Variants in CCDC192 observed in about 807,000 individuals in gnomAD.
The protein encoded by CCDC192 is coiled-coil domain containing 192.
intron 2 of CCDC192, among the ~76,000 whole-genome samples, chr5:127,709,115 GA>G (rs1561438398): frequency 2.1e-5 from 2 of 96,818 alleles, no homozygotes; most frequent in African/African-American, 4.1e-5. Context: ...GAGAGAGAGA[GA>G]GAGAGAGGGA....
chr5:127,717,300 A>G (rs1339958915), intron 2 of CCDC192, among the ~76,000 whole-genome samples: 1 of 152,182 alleles, frequency 6.6e-6, no homozygotes, highest in African/African-American at 2.4e-5. Context: ...CTTCTGCTAA[A>G]GGTAAGTAAT....
At chr5:127,744,906 C>T (rs1438435688) in intron 2 of CCDC192, among the ~76,000 whole-genome samples, 1 of 152,182 alleles carries the variant, frequency 6.6e-6, no homozygotes, top group Non-Finnish European at 1.5e-5. Context: ...CACATTCTTG[C>T]CCTCATCTGC....
At chr5:127,941,002 A>T (rs1273437480) in intron 6 of CCDC192, 180 bp from the exon 7 acceptor site, 1 of 392,112 alleles carries the variant, frequency 2.6e-6, no homozygotes, top group Admixed American at 4.4e-5. Flanking sequence ...TTTCATGAGC[A>T]CCCAGAATCT....
intron 5 of CCDC192, among the ~76,000 whole-genome samples, chr5:127,856,203 T>G (rs1751086253): frequency 6.6e-6 from 1 of 152,228 alleles, no homozygotes; most frequent in South Asian, 2.1e-4. Context: ...TTCCTACAGC[T>G]TCTACCTCAG....
intron 6 of CCDC192, among the ~76,000 whole-genome samples, chr5:127,936,901 C>A (rs2126329920): frequency 6.6e-6 from 1 of 152,278 alleles, no homozygotes; most frequent in Middle Eastern, 3.4e-3. Flanking sequence ...ACTTTGGGGA[C>A]ACACATCACT....
chr5:127,772,377 T>C (rs1386932062), intron 3 of CCDC192, among the ~76,000 whole-genome samples: 1 of 151,258 alleles, frequency 6.6e-6, no homozygotes, highest in Admixed American at 6.6e-5. Flanking sequence ...GAGAATCACT[T>C]GAACCTGTGT....
At chr5:127,717,032 T>C (rs923655416) in intron 2 of CCDC192, among the ~76,000 whole-genome samples, 2 of 152,048 alleles carry the variant, frequency 1.3e-5, no homozygotes, top group East Asian at 3.8e-4. Context: ...TAATAAGAAA[T>C]ATTAAACAGC....
chr5:127,907,350 T>C lies in CCDC192; in HGVS notation c.535+31689T>C, dbSNP rs572766819. ...CTGAAATGTTTTATTTTACCTAATT[T>C]AAAACTTCAGATTTGGGTTATAAAG... On this transcript the variant is annotated intron_variant, in intron 6 of 6. Transcript: ENST00000514853. Among the ~76,000 whole-genome samples the C allele has an allele frequency of 7.9e-5, 12 of 152,292 alleles. No individual in the cohort carries two copies. The South Asian group carries it at 1.5e-3, about 18-fold the overall frequency.
intron 5 of CCDC192, among the ~76,000 whole-genome samples, chr5:127,831,947 A>G (rs903493033): frequency 6.6e-6 from 1 of 152,142 alleles, no homozygotes; most frequent in Non-Finnish European, 1.5e-5. Context: ...TGCTAATTTA[A>G]AAATGCAAGA....
intron 2 of CCDC192, among the ~76,000 whole-genome samples, chr5:127,736,554 G>A (rs1169431512): frequency 1.3e-5 from 2 of 151,872 alleles, no homozygotes; most frequent in Non-Finnish European, 1.5e-5. Context: ...GAATCCATCT[G>A]GTCCTGGACT....
In CCDC192 at chr5:127,873,357, T is replaced by C. The variant is rs111984186; in HGVS notation, c.412-2181T>C. On this transcript the variant is annotated intron_variant, in intron 5 of 6. Coordinates refer to ENST00000514853, the MANE Select transcript of CCDC192 (RefSeq NM_001317938.2). ...TCAGTTCTTTCTCCCCCTAATATCTTATAATGAAAAATTGCAAACATACAA... is the reference window on the plus strand; with the variant it reads ...TCAGTTCTTTCTCCCCCTAATATCTCATAATGAAAAATTGCAAACATACAA... Among the ~76,000 whole-genome samples, 650 of 152,304 alleles carry C rather than the reference T, an allele frequency of 4.3e-3. 4 individuals are homozygous for C. Among genetic ancestry groups the C allele is most frequent in the African/African-American group, 0.015 (613 of 41,568 alleles).
chr5:127,878,877 T>A (rs1171217358), intron 6 of CCDC192, among the ~76,000 whole-genome samples: 1 of 148,810 alleles, frequency 6.7e-6, no homozygotes, highest in Non-Finnish European at 1.5e-5. Context: ...CCTCTTTTAT[T>A]TCCTTGAGCA....
At position 127,703,404 on chromosome 5, in the gene CCDC192, G is replaced by T; in HGVS notation, c.-42G>T. 1 of 398,942 alleles carries T rather than the reference G, an allele frequency of 2.5e-6. No individual in the cohort carries two copies. Among genetic ancestry groups the T allele is most frequent in the Non-Finnish European group, 4.4e-6 (1 of 226,034 alleles). 24.7% of individuals were successfully genotyped at this position (398,942 alleles called of 1,614,324 possible). On this transcript the variant is annotated 5_prime_UTR_variant, in exon 1 of 7. Transcript: ENST00000514853. ...ACTCTAAAGAATGATGCCTGTTGAC[G>T]TCTGTCCCAGGGACAGGGGATCCCA...
intron 2 of CCDC192, among the ~76,000 whole-genome samples, chr5:127,752,058 G>C (rs1051294733): frequency 6.6e-6 from 1 of 152,006 alleles, no homozygotes; most frequent in Non-Finnish European, 1.5e-5. Flanking sequence ...CCTTTGGTTT[G>C]AACGTCCTCC....
intron 3 of CCDC192, among the ~76,000 whole-genome samples, chr5:127,792,525 C>CATATATATATATAT (rs34017962): frequency 5.0e-5 from 7 of 141,298 alleles, no homozygotes; most frequent in Non-Finnish European, 7.7e-5. Context: ...ATCACCATCT[C>CATATATATATATAT]ATATATATAT....
At chr5:127,724,106 G>T (rs1186388407) in intron 2 of CCDC192, among the ~76,000 whole-genome samples, 1 of 152,120 alleles carries the variant, frequency 6.6e-6, no homozygotes, top group Non-Finnish European at 1.5e-5. Flanking sequence ...TGAAAATTCT[G>T]TATCTCATAA....
At position 127,869,076 on chromosome 5, in the gene CCDC192, A is replaced by C. The variant is rs543856973; in HGVS notation, c.412-6462A>C. 2.7e-4 allele frequency among the ~76,000 whole-genome samples: 41 copies of C among 152,268 alleles called. 1 individual carries two copies. The South Asian group carries it at 8.5e-3, about 32-fold the overall frequency. ...GCTGGCTCATGCCTGTAATCGCAGCACTTTGGGAGGCCGAGGCAGGTGGAT... is the reference window on the plus strand; with the variant it reads ...GCTGGCTCATGCCTGTAATCGCAGCCCTTTGGGAGGCCGAGGCAGGTGGAT... On this transcript the variant is annotated intron_variant, in intron 5 of 6. Transcript: ENST00000514853.
intron 6 of CCDC192, among the ~76,000 whole-genome samples, chr5:127,899,130 T>A (rs1345976765): frequency 6.6e-6 from 1 of 152,132 alleles, no homozygotes; most frequent in Non-Finnish European, 1.5e-5. Flanking sequence ...AGAGCAAAAG[T>A]TAGGAATTAC....
rs1167465950 is a variant in CCDC192 at position 127,707,727 on chromosome 5, A to G, written c.81A>G (p.Ser27=). 1 of 398,592 alleles carries G rather than the reference A, an allele frequency of 2.5e-6. No homozygotes were observed. The highest frequency in any genetic ancestry group is 4.4e-6 in the Non-Finnish European group (1 of 225,902). The allele number at this position is 398,592 out of a possible 1,614,324, so 24.7% of individuals were successfully genotyped here. The change falls in exon 2 of 7, where the codon TCA becomes TCG. Residue 27 remains serine (S), a synonymous_variant. Coordinates refer to ENST00000514853, the MANE Select transcript of CCDC192 (RefSeq NM_001317938.2). ...SERSSMTSGS[S]ESDIPQENKV... is the part of the protein sequence containing the mutation. ...TTTTCAGCATGACGTCTGGAAGTTC[A>G]GAGTCAGATATACCACAAGAAAACA...
Sources: gnomAD v4.1 joint callset for allele counts (sites outside exome capture counted in the v4.1 genomes callset) on GRCh38, gnomAD v4.1.1 for gene constraint, MANE v1.5 for transcripts, NCBI Gene and HGNC (gene_info 2026-07-23, HGNC 2026-07-21) for gene names.